The following SNTN variants were observed in gnomAD, a reference collection of about 807,000 sequenced individuals.
SNTN encodes sentan.
Under a neutral mutation model 12.3 loss-of-function variants are expected in SNTN, and 13 were observed. That is an observed-to-expected ratio of 1.05 (90% CI 0.69 to 1.67). The LOEUF (loss-of-function observed/expected upper bound fraction) is 1.67. SNTN is among the 40% of genes most tolerant of loss of function. The pLI, the probability that SNTN is intolerant of heterozygous loss-of-function variation, is 0.00. For missense variants in SNTN, 189 were observed against 169.8 expected, an observed-to-expected ratio of 1.11 and a Z score of -0.63; for synonymous variants, 69 against 58.5, an observed-to-expected ratio of 1.18 and a Z score of -0.82.
intron 1 of SNTN, among the ~76,000 whole-genome samples, chr3:63,653,443 C>T (rs1340379032): frequency 1.3e-5 from 2 of 152,062 alleles, no homozygotes; most frequent in Non-Finnish European, 2.9e-5. Flanking sequence ...GCAGGAGGCA[C>T]TCACCAAGAA....
chr3:63,653,678 A>G (rs899388118), intron 1 of SNTN, among the ~76,000 whole-genome samples: 2 of 152,340 alleles, frequency 1.3e-5, no homozygotes, highest in African/African-American at 4.8e-5. Flanking sequence ...AAAATCAAGC[A>G]AACTTTGATT....
chr3:63,652,790 C>T lies in SNTN; in HGVS notation c.103C>T (p.Pro35Ser), dbSNP rs1169512621. The change falls in exon 1 of 4, where the codon CCC becomes TCC. Residue 35 changes from proline (P) to serine (S), a missense_variant. Pro to Ser is a moderately conservative substitution (Grantham distance 74). Transcript: ENST00000343837. ...PTSTCAPRKM[P>S]KRISISKQLA... Reference sequence around the variant, plus strand: ...ATCCACCTGCGCACCTAGGAAAATGCCCAAAAGGTCAGTGGCACTTGGCTG... The same window carrying T: ...ATCCACCTGCGCACCTAGGAAAATGTCCAAAAGGTCAGTGGCACTTGGCTG... 6.2e-7 allele frequency: 1 copy of T among 1,613,660 alleles called. No homozygotes were observed. The highest frequency in any genetic ancestry group is 1.1e-5 in the South Asian group (1 of 91,050).
At chr3:63,661,610 T>A (rs1700744640) in intron 3 of SNTN, among the ~76,000 whole-genome samples, 1 of 152,184 alleles carries the variant, frequency 6.6e-6, no homozygotes. Context: ...GTCCTTTTTT[T>A]AAATTTACTT....
intron 2 of SNTN, among the ~76,000 whole-genome samples, chr3:63,655,374 C>G (rs755917018): frequency 1.3e-5 from 2 of 152,148 alleles, no homozygotes; most frequent in Non-Finnish European, 2.9e-5. Context: ...TACAGAGTAA[C>G]AAGCACAGCT....
Position 63,664,995 on chromosome 3 carries a change from A to G in SNTN, c.*900A>G, listed in dbSNP as rs111989766. ...GGTCTCGAACTCCTGACCTCAGGTGATCCGCCCACAGCCTCCCAAAGTGCT... is the reference window on the plus strand; with the variant it reads ...GGTCTCGAACTCCTGACCTCAGGTGGTCCGCCCACAGCCTCCCAAAGTGCT... On this transcript the variant is annotated 3_prime_UTR_variant, in exon 4 of 4. Transcript: ENST00000343837. Among the ~76,000 whole-genome samples, 30,730 of 151,902 alleles carry G rather than the reference A, an allele frequency of 0.2. 3,845 individuals carry two copies. The highest frequency in any genetic ancestry group is 0.36 in the South Asian group (1,717 of 4,812).
intron 3 of SNTN, among the ~76,000 whole-genome samples, chr3:63,662,648 G>C (rs1393500042): frequency 3.3e-5 from 5 of 152,168 alleles, no homozygotes; most frequent in Admixed American, 2.6e-4. Context: ...CTCTCCTGGA[G>C]GGAGAGAGTA....
intron 3 of SNTN, among the ~76,000 whole-genome samples, chr3:63,662,963 A>T (rs191934358): frequency 9.7e-4 from 148 of 152,320 alleles, no homozygotes; most frequent in African/African-American, 3.4e-3. Context: ...CTGACTATTT[A>T]TGAACACTGT....
chr3:63,663,981 T>C lies in SNTN; in HGVS notation c.330T>C (p.Leu110=). The change falls in exon 4 of 4, where the codon CTT becomes CTC. Residue 110 remains leucine (L), a synonymous_variant. Coordinates refer to ENST00000343837, the MANE Select transcript of SNTN (RefSeq NM_001080537.2). Reference sequence around the variant, plus strand: ...AATACAGAGAGATCCTTTCTGAACTTGATGAGCACACAGAAAATAAGCTAG... The same window carrying C: ...AATACAGAGAGATCCTTTCTGAACTCGATGAGCACACAGAAAATAAGCTAG... ...KPKYREILSE[L]DEHTENKLDF... 1 of 1,613,846 alleles carries C rather than the reference T, an allele frequency of 6.2e-7. No individual in the cohort carries two copies.
intron 2 of SNTN, among the ~76,000 whole-genome samples, chr3:63,656,521 T>C (rs980975474): frequency 6.6e-6 from 1 of 152,176 alleles, no homozygotes; most frequent in Non-Finnish European, 1.5e-5. Flanking sequence ...TTTGTTTATA[T>C]TGATGACATG....
At chr3:63,662,909 A>C (rs772222444) in intron 3 of SNTN, among the ~76,000 whole-genome samples, 7 of 152,228 alleles carry the variant, frequency 4.6e-5, no homozygotes, top group Admixed American at 1.3e-4. Context: ...TTTGAAATTA[A>C]AAAGTCTCTC....
In SNTN at chr3:63,664,007, A is replaced by G; in HGVS notation, c.356A>G (p.Asp119Gly). The change falls in exon 4 of 4, where the codon GAT becomes GGT. Residue 119 changes from aspartate (D) to glycine (G), a missense_variant. Asp to Gly is a moderately conservative substitution (Grantham distance 94). Coordinates refer to ENST00000343837, the MANE Select transcript of SNTN (RefSeq NM_001080537.2). ...GATGAGCACACAGAAAATAAGCTAG[A>G]TTTTGAAGACTTCATGATCTTGCTC... ...ELDEHTENKL[D>G]FEDFMILLLS... 1 of 1,614,084 alleles carries G rather than the reference A, an allele frequency of 6.2e-7. No individual in the cohort carries two copies. Among genetic ancestry groups the G allele is most frequent in the South Asian group, 1.1e-5 (1 of 91,062 alleles).
chr3:63,652,805 G>A lies in SNTN; in HGVS notation c.110+8G>A. 6.2e-7 allele frequency: 1 copy of A among 1,609,684 alleles called. No individual in the cohort carries two copies. The highest frequency in any genetic ancestry group is 8.5e-7 in the Non-Finnish European group (1 of 1,176,136). On this transcript the variant is annotated splice_region_variant and intron_variant, in intron 1 of 3. Coordinates refer to ENST00000343837, the MANE Select transcript of SNTN (RefSeq NM_001080537.2). ...TAGGAAAATGCCCAAAAGGTCAGTG[G>A]CACTTGGCTGTCTTTTATTGAGTTT...
chr3:63,656,849 C>T (rs1322615065), intron 2 of SNTN, among the ~76,000 whole-genome samples: 3 of 152,120 alleles, frequency 2.0e-5, no homozygotes, highest in Admixed American at 6.5e-5. Flanking sequence ...CTAGAGGCAG[C>T]GTGCATCTTG....
intron 3 of SNTN, among the ~76,000 whole-genome samples, chr3:63,663,181 G>A (rs1191184499): frequency 6.6e-6 from 1 of 152,174 alleles, no homozygotes; most frequent in African/African-American, 2.4e-5. Context: ...TAGCTTAGCA[G>A]TTAAGAGTAT....
At chr3:63,655,245 A>G (rs1295357029) in intron 2 of SNTN, among the ~76,000 whole-genome samples, 1 of 152,180 alleles carries the variant, frequency 6.6e-6, no homozygotes, top group Non-Finnish European at 1.5e-5. Context: ...CTGGAAATCA[A>G]TTGCATAGGT....
intron 1 of SNTN, among the ~76,000 whole-genome samples, chr3:63,653,918 C>T (rs1272034429): frequency 1.3e-5 from 2 of 152,196 alleles, no homozygotes; most frequent in African/African-American, 4.8e-5. Context: ...GTGCCACCCA[C>T]ACTATACCTC....
chr3:63,657,982 T>C (rs886091965), intron 2 of SNTN, among the ~76,000 whole-genome samples: 6 of 152,136 alleles, frequency 3.9e-5, no homozygotes, highest in African/African-American at 9.7e-5. Flanking sequence ...AACTGAAAAA[T>C]TAGTTGCTCA....
chr3:63,655,404 GT>G (rs1389252698), intron 2 of SNTN, among the ~76,000 whole-genome samples: 3 of 151,984 alleles, frequency 2.0e-5, no homozygotes, highest in Non-Finnish European at 4.4e-5. Flanking sequence ...TATATTGCAG[GT>G]TTTTCCCTCC....
chr3:63,659,348 T>A (rs751674402), intron 2 of SNTN, among the ~76,000 whole-genome samples: 1 of 152,202 alleles, frequency 6.6e-6, no homozygotes, highest in Non-Finnish European at 1.5e-5. Context: ...GGACTTCATT[T>A]TATTCGGTGA....
Sources: gnomAD v4.1 joint callset for allele counts (sites outside exome capture counted in the v4.1 genomes callset) on GRCh38, gnomAD v4.1.1 for gene constraint, MANE v1.5 for transcripts, NCBI Gene and HGNC (gene_info 2026-07-23, HGNC 2026-07-21) for gene names.